The following PTPRK variants were observed in gnomAD, a reference collection of about 807,000 sequenced individuals.
The protein encoded by PTPRK is protein tyrosine phosphatase receptor type K.
PTPRK carries 75 observed loss-of-function variants against 178.0 expected under a neutral mutation model. The ratio of observed to expected loss-of-function variants is 0.42; its 90% CI spans 0.35 to 0.51. PTPRK has a LOEUF of 0.51. Among genes scored for constraint, PTPRK ranks in the 20% least tolerant of loss-of-function variants. The pLI is 0.02. For missense variants in PTPRK, 1,441 were observed against 1,797.8 expected, an observed-to-expected ratio of 0.80 and a Z score of 3.59; for synonymous variants, 637 against 620.6, an observed-to-expected ratio of 1.03 and a Z score of -0.39.
At chr6:128,335,130 A>C (rs1444595561) in intron 2 of PTPRK, among the ~76,000 whole-genome samples, 1 of 152,132 alleles carries the variant, frequency 6.6e-6, no homozygotes, top group African/African-American at 2.4e-5. Context: ...TTAAGAATTC[A>C]GGCTCTGAAG....
chr6:128,473,058 T>A (rs1850909746), intron 1 of PTPRK, among the ~76,000 whole-genome samples: 1 of 152,102 alleles, frequency 6.6e-6, no homozygotes, highest in Non-Finnish European at 1.5e-5. Context: ...TAATGTCCTT[T>A]TTAAGTATAA....
chr6:128,054,784 T>C (rs1168013192), intron 13 of PTPRK, among the ~76,000 whole-genome samples: 1 of 152,170 alleles, frequency 6.6e-6, no homozygotes, highest in Non-Finnish European at 1.5e-5. Context: ...ATCCCTACCC[T>C]CAGAGAGCCT....
chr6:128,334,196 TA>T (rs1334008885), intron 2 of PTPRK, among the ~76,000 whole-genome samples: 1 of 152,152 alleles, frequency 6.6e-6, no homozygotes, highest in Non-Finnish European at 1.5e-5. Context: ...AAGTATGAAA[TA>T]TTGTGAGAAT....
intron 7 of PTPRK, among the ~76,000 whole-genome samples, chr6:128,104,443 C>T (rs376853388): frequency 2.7e-3 from 409 of 152,294 alleles, no homozygotes; most frequent in African/African-American, 9.3e-3. Context: ...AGGACGGTCT[C>T]GAACTCCTAA....
intron 14 of PTPRK, chr6:128,005,983 C>T: frequency 6.9e-7 from 1 of 1,451,294 alleles, no homozygotes; most frequent in Non-Finnish European, 9.4e-7. Flanking sequence ...GATACTGCAT[C>T]CTTAACACAC....
chr6:128,188,704 C>T lies in PTPRK; in HGVS notation c.869-3979G>A, dbSNP rs572550399. On this transcript the variant is annotated intron_variant, in intron 6 of 29. Transcript: ENST00000368226. ...CCAGAAATCTGAAATCAGTACCACT[C>T]GGTCAAAATCAAGCTGTCAGAAGGC... Among the ~76,000 whole-genome samples the T allele has an allele frequency of 3.9e-5, 6 of 152,280 alleles. No individual in the cohort carries two copies. In the South Asian group the frequency reaches 6.2e-4, roughly 16 times the overall value.
chr6:128,487,283 G>A (rs533586641), intron 1 of PTPRK, among the ~76,000 whole-genome samples: 100 of 150,464 alleles, frequency 6.6e-4, no homozygotes, highest in Middle Eastern at 6.8e-3. Context: ...CACCTTGACC[G>A]AAAGTCCCTC....
intron 6 of PTPRK, among the ~76,000 whole-genome samples, chr6:128,199,236 T>G (rs1392947943): frequency 1.3e-5 from 2 of 152,022 alleles, no homozygotes; most frequent in East Asian, 3.8e-4. Context: ...ATCAGAAAAA[T>G]GAATAAATTG....
intron 7 of PTPRK, among the ~76,000 whole-genome samples, chr6:128,183,678 A>T (rs1438040866): frequency 6.6e-6 from 1 of 152,148 alleles, no homozygotes; most frequent in African/African-American, 2.4e-5. Flanking sequence ...CTACACTAAA[A>T]ATGTAGTCAA....
chr6:128,329,396 C>CAA (rs1829987579), intron 2 of PTPRK, among the ~76,000 whole-genome samples: 1 of 151,646 alleles, frequency 6.6e-6, no homozygotes, highest in Admixed American at 6.6e-5. Flanking sequence ...CACACACACA[C>CAA]ACACACACAC....
intron 7 of PTPRK, among the ~76,000 whole-genome samples, chr6:128,161,842 AAAAAAT>A (rs1034476076): frequency 3.3e-5 from 5 of 151,652 alleles, no homozygotes; most frequent in Non-Finnish European, 7.4e-5. Flanking sequence ...ATTTAAAACA[AAAAAAT>A]AAAAATTATC....
chr6:128,154,119 C>T (rs780965074), intron 7 of PTPRK, among the ~76,000 whole-genome samples: 4 of 151,700 alleles, frequency 2.6e-5, no homozygotes, highest in African/African-American at 7.3e-5. Flanking sequence ...TTTCCTAAGA[C>T]TTAACATTAA....
chr6:128,067,534 C>A lies in PTPRK; in HGVS notation c.2142G>T (p.Met714Ile). The A allele has an allele frequency of 6.4e-7, 1 of 1,560,822 alleles. No individual in the cohort carries two copies. The stretch of plus-strand genomic sequence containing the variant: ...GGAAGCTCACCTTCTCCACACTGCT[C>A]ATCGCCTGGAAATAGATGTTGTATC... ...RKGYNIYFQAMSSVEKETKTQ... is the reference protein window; with the variant it reads ...RKGYNIYFQAISSVEKETKTQ... Residue 714 changes from methionine (M) to isoleucine (I), a missense_variant, in exon 12 of 30, where the codon ATG becomes ATT. Around this residue, in one of 4 missense-constraint regions of PTPRK, gnomAD observed 945 missense variants for 1,080.6 expected, o/e 0.87. Transcript: ENST00000368226.
intron 3 of PTPRK, among the ~76,000 whole-genome samples, chr6:128,259,829 A>G (rs1426448758): frequency 6.6e-6 from 1 of 152,208 alleles, no homozygotes; most frequent in Non-Finnish European, 1.5e-5. Flanking sequence ...ATTTAAAGAA[A>G]GTTAAAAGGA....
intron 13 of PTPRK, among the ~76,000 whole-genome samples, chr6:128,028,709 G>GTAT (rs1369586577): frequency 6.6e-6 from 1 of 152,170 alleles, no homozygotes; most frequent in Non-Finnish European, 1.5e-5. Flanking sequence ...CATATCCTAT[G>GTAT]TATTTTTAGT....
At chr6:128,340,242 T>C (rs1009792724) in intron 2 of PTPRK, among the ~76,000 whole-genome samples, 3 of 152,182 alleles carry the variant, frequency 2.0e-5, no homozygotes, top group African/African-American at 7.2e-5. Flanking sequence ...TTTTTAAAAA[T>C]AGCTAAGAGT....
intron 5 of PTPRK, 86 bp from the exon 6 acceptor site, chr6:128,219,182 A>C: frequency 7.9e-7 from 1 of 1,263,802 alleles, no homozygotes; most frequent in Non-Finnish European, 1.1e-6. Flanking sequence ...ATCTGTGATA[A>C]ATTATTCTTG....
chr6:128,349,663 T>C (rs953210668), intron 2 of PTPRK, among the ~76,000 whole-genome samples: 9 of 152,038 alleles, frequency 5.9e-5, no homozygotes, highest in Admixed American at 5.9e-4. Flanking sequence ...AAAAAAATCA[T>C]TGTGTCATAG....
At chr6:128,012,283 T>C (rs1011995974) in intron 13 of PTPRK, among the ~76,000 whole-genome samples, 4 of 151,336 alleles carry the variant, frequency 2.6e-5, no homozygotes, top group African/African-American at 9.7e-5. Flanking sequence ...GTACTTGGCT[T>C]GCTATAACCG....
Sources: allele counts gnomAD v4.1 joint callset (sites outside exome capture counted in the v4.1 genomes callset), GRCh38; gene constraint gnomAD v4.1.1; regional missense constraint gnomAD v4.1.1; transcripts MANE v1.5; gene names NCBI Gene and HGNC (gene_info 2026-07-23, HGNC 2026-07-21).